Variants in C10orf90 observed in about 807,000 individuals in gnomAD.
C10orf90 encodes chromosome 10 open reading frame 90.
In C10orf90, 56 loss-of-function variants were observed where a neutral mutation model predicts 62.5. The ratio of observed to expected loss-of-function variants is 0.90; its 90% CI spans 0.72 to 1.12. The LOEUF is 1.12. Ranked by LOEUF, C10orf90 falls within the 50% of genes most tolerant of loss-of-function variation. The pLI, the probability that C10orf90 is intolerant of heterozygous loss-of-function variation, is 0.00. For synonymous variants in C10orf90, 386 were observed against 340.4 expected (o/e 1.13, Z -1.47); for missense variants, 970 against 880.4 (o/e 1.10, Z -1.29).
intron 2 of C10orf90, among the ~76,000 whole-genome samples, chr10:126,556,102 A>G (rs1864766118): frequency 6.6e-6 from 1 of 152,226 alleles, no homozygotes; most frequent in Non-Finnish European, 1.5e-5. Context: ...TTCTGATAGT[A>G]TCAAAACCAG....
At chr10:126,521,508 G>A (rs978587521) in intron 2 of C10orf90, 23 of 1,388,926 alleles carry the variant, frequency 1.7e-5, no homozygotes, top group Admixed American at 1.6e-4. Flanking sequence ...TGAAGTCACC[G>A]GAATGTTTAC....
At chr10:126,511,316 G>A (rs1253085757) in intron 3 of C10orf90, among the ~76,000 whole-genome samples, 1 of 152,210 alleles carries the variant, frequency 6.6e-6, no homozygotes, top group Non-Finnish European at 1.5e-5. Flanking sequence ...ATATAGAGCA[G>A]TGAGAAGCCA....
rs1412823691 is a variant in C10orf90 at position 126,453,554 on chromosome 10, T to C, written c.2188+5486A>G. Among the ~76,000 whole-genome samples, 3 of 151,962 alleles carry C rather than the reference T, an allele frequency of 2.0e-5. No individual in the cohort carries two copies. Among genetic ancestry groups the C allele is most frequent in the Non-Finnish European group, 2.9e-5 (2 of 68,006 alleles). ...TTAAGGGGACAAACTGAGAGAGCCATGGAAGAGGACCCGGACAGGCGTCCT... is the reference window on the plus strand; with the variant it reads ...TTAAGGGGACAAACTGAGAGAGCCACGGAAGAGGACCCGGACAGGCGTCCT... On this transcript the variant is annotated intron_variant, in intron 7 of 9. Coordinates refer to ENST00000488181, the MANE Select transcript of C10orf90 (RefSeq NM_001350921.2). This position sits in a 1 kb window ranked among gnomAD's most constrained non-coding sequence, Gnocchi z 4.9.
At position 126,504,847 on chromosome 10, in the gene C10orf90, G is replaced by A; in HGVS notation, c.644C>T (p.Pro215Leu). The change falls in exon 4 of 10, where the codon CCT becomes CTT. Residue 215 changes from proline to leucine, a missense_variant. By Grantham distance (98) the Pro-to-Leu change is moderately conservative. Coordinates refer to ENST00000488181, the MANE Select transcript of C10orf90 (RefSeq NM_001350921.2). The surrounding 1 kb of genome is among the most constrained non-coding windows in gnomAD (Gnocchi z 4.1). Reference sequence around the variant, plus strand: ...CTCTTTGGGCGGCAGCTCTGCCTCAGGTCCTCGCTCATCTGACGGTGCCGG... The same window carrying A: ...CTCTTTGGGCGGCAGCTCTGCCTCAAGTCCTCGCTCATCTGACGGTGCCGG... ...GIPAPSDERGPEAELPPKEER... is the reference protein window; with the variant it reads ...GIPAPSDERGLEAELPPKEER... The A allele has an allele frequency of 6.2e-7, 1 of 1,610,330 alleles. No homozygotes were observed. The highest frequency in any genetic ancestry group is 8.5e-7 in the Non-Finnish European group (1 of 1,177,710).
rs972331597 is a variant in C10orf90 at position 126,568,730 on chromosome 10, G to C, written c.314-54791C>G. 2.0e-5 allele frequency among the ~76,000 whole-genome samples: 3 copies of C among 152,290 alleles called. No homozygotes were observed. The South Asian group carries it at 6.2e-4, about 32-fold the overall frequency. ...GATAGAGGGAAAAGACAGCCAGACA[G>C]AGGTGCTTTAGGAGGCTCAGAGTGG... On this transcript the variant is annotated intron_variant, in intron 2 of 9. Coordinates refer to ENST00000488181, the MANE Select transcript of C10orf90 (RefSeq NM_001350921.2).
chr10:126,588,645 C>A (rs894013399), intron 2 of C10orf90, among the ~76,000 whole-genome samples: 1 of 152,068 alleles, frequency 6.6e-6, no homozygotes, highest in African/African-American at 2.4e-5. Flanking sequence ...AAACAAAAAA[C>A]AGAAAGCAAC....
chr10:126,547,247 A>G (rs748917519), intron 2 of C10orf90, among the ~76,000 whole-genome samples: 11 of 151,852 alleles, frequency 7.2e-5, no homozygotes, highest in East Asian at 5.8e-4. Context: ...GTGAAACCCC[A>G]TCTCTACAAA....
intron 8 of C10orf90, 132 bp from the exon 9 acceptor site, chr10:126,426,222 T>A: frequency 1.4e-6 from 1 of 729,878 alleles, no homozygotes; most frequent in Non-Finnish European, 2.3e-6. Flanking sequence ...AGCTCACAAC[T>A]GTAGGATGCC....
At chr10:126,513,739 T>C (rs1863270236) in intron 3 of C10orf90, 109 bp downstream of exon 3, 1 of 689,250 alleles carries the variant, frequency 1.5e-6, no homozygotes, top group Non-Finnish European at 2.5e-6. Flanking sequence ...ATTAATTCAA[T>C]TTTGACTAAA....
chr10:126,640,203 A>G (rs1015773747), intron 2 of C10orf90, among the ~76,000 whole-genome samples: 1 of 152,230 alleles, frequency 6.6e-6, no homozygotes, highest in African/African-American at 2.4e-5. Context: ...GTAAACACCA[A>G]GCAGACCCCA....
At chr10:126,627,000 CTTTT>C (rs61226052) in intron 2 of C10orf90, among the ~76,000 whole-genome samples, 1 of 119,492 alleles carries the variant, frequency 8.4e-6, no homozygotes, top group African/African-American at 3.1e-5. Context: ...TTTTTCTTTT[CTTTT>C]TTTTTTTTTT....
At chr10:126,592,888 G>A (rs989014836) in intron 2 of C10orf90, among the ~76,000 whole-genome samples, 1 of 152,148 alleles carries the variant, frequency 6.6e-6, no homozygotes, top group Non-Finnish European at 1.5e-5. Context: ...GATGTGAACA[G>A]ACACTTCTCA....
intron 2 of C10orf90, among the ~76,000 whole-genome samples, chr10:126,618,832 C>T (rs1040765530): frequency 6.6e-6 from 1 of 152,192 alleles, no homozygotes; most frequent in African/African-American, 2.4e-5. Context: ...GCTGCACTTT[C>T]CCTGTTTCAA....
intron 2 of C10orf90, among the ~76,000 whole-genome samples, chr10:126,559,277 C>T (rs1864848716): frequency 2.0e-5 from 3 of 152,054 alleles, no homozygotes; most frequent in African/African-American, 7.2e-5. Context: ...TCCATGTTTC[C>T]ATGCATGCTC....
intron 4 of C10orf90, among the ~76,000 whole-genome samples, chr10:126,491,727 G>A (rs1457248230): frequency 6.6e-6 from 1 of 152,180 alleles, no homozygotes; most frequent in African/African-American, 2.4e-5. Flanking sequence ...TATAAGTCAG[G>A]GAAATCCTTG....
At chr10:126,667,653 G>T (rs576751778) in intron 1 of C10orf90, among the ~76,000 whole-genome samples, 1 of 152,194 alleles carries the variant, frequency 6.6e-6, no homozygotes, top group Admixed American at 6.5e-5. Context: ...TGAATTCTAT[G>T]AGGTTTCCCT....
At position 126,553,348 on chromosome 10, in the gene C10orf90, G is replaced by A. The variant is rs1283654108; in HGVS notation, c.314-39409C>T. Among the ~76,000 whole-genome samples the A allele has an allele frequency of 2.6e-5, 4 of 152,210 alleles. No individual in the cohort carries two copies. The South Asian group carries it at 8.3e-4, about 32-fold the overall frequency. On this transcript the variant is annotated intron_variant, in intron 2 of 9. Coordinates refer to ENST00000488181, the MANE Select transcript of C10orf90 (RefSeq NM_001350921.2). ...AAAACTAGGCACAGGACTTAAAAAG[G>A]CACTTCATAAGAGAGTATAGCTAGT...
At chr10:126,647,307 C>T (rs963420917) in intron 1 of C10orf90, among the ~76,000 whole-genome samples, 1 of 152,190 alleles carries the variant, frequency 6.6e-6, no homozygotes, top group Non-Finnish European at 1.5e-5. Flanking sequence ...AGCTGGAGAG[C>T]AACTGTCCTG....
intron 7 of C10orf90, among the ~76,000 whole-genome samples, chr10:126,445,850 A>G (rs1253437374): frequency 3.4e-5 from 5 of 148,370 alleles, no homozygotes; most frequent in Admixed American, 3.4e-4. Flanking sequence ...ACTCAGCCAT[A>G]AAAAGGAATG....
Sources: allele counts gnomAD v4.1 joint callset (sites outside exome capture counted in the v4.1 genomes callset), GRCh38; gene constraint gnomAD v4.1.1; non-coding constraint Gnocchi (gnomAD v3.1); transcripts MANE v1.5; gene names NCBI Gene and HGNC (gene_info 2026-07-23, HGNC 2026-07-21).